KLHDC4: variants seen among roughly 807,000 people sequenced by gnomAD.
The protein encoded by KLHDC4 is kelch domain-containing protein 4.
KLHDC4 carries 90 observed loss-of-function variants against 62.4 expected under a neutral mutation model. The observed-to-expected ratio is 1.44, with a 90% CI of 1.22 to 1.72. KLHDC4 has a LOEUF of 1.72. Ranked by LOEUF, KLHDC4 falls within the 40% of genes most tolerant of loss-of-function variation. The probability of loss-of-function intolerance (pLI) is 0.00; values close to 1 mark genes in which losing one functional copy is unlikely to be tolerated. For missense variants in KLHDC4, 1,025 were observed against 699.7 expected (o/e 1.47, Z -5.25); for synonymous variants, 386 against 284.4 (o/e 1.36, Z -3.59).
downstream of KLHDC4, chr16:87,703,184 C>G (rs796542615): frequency 6.6e-6 from 1 of 152,204 alleles, no homozygotes; most frequent in African/African-American, 2.4e-5. Flanking sequence ...GAGCAGGAAA[C>G]GTGCTGTGAG....
rs751321830 is a variant in KLHDC4 at position 87,765,905 on chromosome 16, A to T, written c.-15T>A. The T allele has an allele frequency of 1.3e-6, 2 of 1,549,734 alleles. No homozygotes were observed. Among genetic ancestry groups the T allele is most frequent in the African/African-American group, 2.7e-5 (2 of 72,954 alleles). ...TTCTTGCCCATCTTGCCGGGTCCCAAGCCGCGACGGGACACCAGGAAAGAA... is the reference window on the plus strand; with the variant it reads ...TTCTTGCCCATCTTGCCGGGTCCCATGCCGCGACGGGACACCAGGAAAGAA... On this transcript the variant is annotated 5_prime_UTR_variant, in exon 1 of 12. It adds an upstream start codon to the 5' untranslated region. Coordinates refer to ENST00000270583, the MANE Select transcript of KLHDC4 (RefSeq NM_017566.4).
At chr16:87,752,649 A>T (rs1051697592) in intron 4 of KLHDC4, among the ~76,000 whole-genome samples, 1 of 152,006 alleles carries the variant, frequency 6.6e-6, no homozygotes, top group Non-Finnish European at 1.5e-5. Flanking sequence ...GCACTGTTTC[A>T]ACATCCTTTC....
At chr16:87,709,852 G>A in intron 9 of KLHDC4, 185 bp from the exon 10 acceptor site, 1 of 672,280 alleles carries the variant, frequency 1.5e-6, no homozygotes, top group South Asian at 2.0e-5. Context: ...GCACGCTCCT[G>A]TCTCCCACTA....
intron 5 of KLHDC4, among the ~76,000 whole-genome samples, chr16:87,744,077 A>G (rs2042657256): frequency 6.6e-6 from 1 of 152,104 alleles, no homozygotes; most frequent in Non-Finnish European, 1.5e-5. Context: ...TCAGGAGTTC[A>G]AGACCAGCCT....
chr16:87,760,435 G>A (rs527626374), intron 2 of KLHDC4, among the ~76,000 whole-genome samples: 60 of 150,246 alleles, frequency 4.0e-4, no homozygotes, highest in African/African-American at 1.4e-3. Context: ...GTGAAACCCC[G>A]TCTCTACTAA....
intron 5 of KLHDC4, chr16:87,740,873 C>T (rs372630012): frequency 6.6e-6 from 1 of 152,146 alleles, no homozygotes; most frequent in African/African-American, 2.4e-5. Flanking sequence ...AAATAAGAAA[C>T]AGTACGGAGA....
intron 4 of KLHDC4, among the ~76,000 whole-genome samples, chr16:87,754,019 A>T (rs2044460779): frequency 1.3e-5 from 2 of 151,598 alleles, no homozygotes; most frequent in African/African-American, 4.9e-5. Context: ...ATGTGCCTGT[A>T]ATCCCAGCTA....
chr16:87,711,216 T>C lies in KLHDC4; in HGVS notation c.1044+19A>G. 1 of 1,613,190 alleles carries C rather than the reference T, an allele frequency of 6.2e-7. No individual in the cohort carries two copies. Among genetic ancestry groups the C allele is most frequent in the African/African-American group, 1.3e-5 (1 of 75,058 alleles). On this transcript the variant is annotated intron_variant, in intron 9 of 11. Transcript: ENST00000270583. The stretch of plus-strand genomic sequence containing the variant: ...TAGGGCTGCGCACCACGGCGCATGC[T>C]ACTCAGAGGTTGCACTACCTTCAGC...
At chr16:87,757,180 A>G (rs1322184604) in intron 2 of KLHDC4, among the ~76,000 whole-genome samples, 2 of 151,848 alleles carry the variant, frequency 1.3e-5, no homozygotes, top group Admixed American at 6.6e-5. Context: ...TAAAAAGTCC[A>G]GTAACTAGGC....
chr16:87,761,190 C>G (rs950551029), intron 2 of KLHDC4, among the ~76,000 whole-genome samples: 10 of 152,366 alleles, frequency 6.6e-5, no homozygotes, highest in African/African-American at 2.4e-4. Context: ...ACACCACTCA[C>G]TCTGCTCAGG....
intron 5 of KLHDC4, among the ~76,000 whole-genome samples, chr16:87,738,290 G>C: frequency 6.6e-6 from 1 of 152,152 alleles, no homozygotes; most frequent in East Asian, 1.9e-4. Flanking sequence ...CTTTAGCTGA[G>C]GACCAAATGA....
chr16:87,713,166 G>A (rs1220930470), intron 8 of KLHDC4, among the ~76,000 whole-genome samples: 1 of 152,180 alleles, frequency 6.6e-6, no homozygotes, highest in African/African-American at 2.4e-5. Flanking sequence ...CCAGTAGCTA[G>A]AACTACAGAC....
In KLHDC4 at chr16:87,760,162, C is replaced by T. The variant is rs147932995; in HGVS notation, c.191+1787G>A. Reference sequence around the variant, plus strand: ...CAGCTGACCCAGGGAACTGCCAACACCTTAAATTATATCCTGACATGAAAT... The same window carrying T: ...CAGCTGACCCAGGGAACTGCCAACATCTTAAATTATATCCTGACATGAAAT... On this transcript the variant is annotated intron_variant, in intron 2 of 11. Coordinates refer to ENST00000270583, the MANE Select transcript of KLHDC4 (RefSeq NM_017566.4). Among the ~76,000 whole-genome samples the T allele has an allele frequency of 1.2e-3, 183 of 151,510 alleles. 1 individual carries two copies. The highest frequency in any genetic ancestry group is 4.3e-3 in the African/African-American group (177 of 41,262).
chr16:87,725,598 C>T (rs1345050957), intron 7 of KLHDC4, among the ~76,000 whole-genome samples: 1 of 152,206 alleles, frequency 6.6e-6, no homozygotes, highest in Non-Finnish European at 1.5e-5. Flanking sequence ...CAGTGAGATA[C>T]TACTTCATAC....
chr16:87,698,915 G>A (rs1296593142), exon 1 of KLHDC4: 1 of 152,306 alleles, frequency 6.6e-6, no homozygotes, highest in South Asian at 2.1e-4. Flanking sequence ...AGAGCAGCCT[G>A]GTGAGAGCCA....
chr16:87,698,455 A>T (rs1356618698), exon 1 of KLHDC4: 1 of 152,220 alleles, frequency 6.6e-6, no homozygotes, highest in Non-Finnish European at 1.5e-5. Flanking sequence ...CATGACACAA[A>T]ACGGTACCTG....
chr16:87,706,373 G>A (rs940854514), downstream of KLHDC4, among the ~76,000 whole-genome samples: 1 of 135,348 alleles, frequency 7.4e-6, no homozygotes, highest in African/African-American at 2.8e-5. Context: ...CAGCCCTTGG[G>A]GGGGTCGGCG....
intron 5 of KLHDC4, among the ~76,000 whole-genome samples, chr16:87,732,845 C>T (rs978314009): frequency 2.0e-5 from 3 of 151,148 alleles, no homozygotes; most frequent in Non-Finnish European, 4.4e-5. Context: ...CAAATCCTAT[C>T]CCAGCTTCTA....
At chr16:87,738,105 G>C (rs1483163953) in intron 5 of KLHDC4, among the ~76,000 whole-genome samples, 3 of 152,178 alleles carry the variant, frequency 2.0e-5, no homozygotes, top group Non-Finnish European at 4.4e-5. Context: ...CCACCACCCA[G>C]AGGGCAGAGC....
Sources: gnomAD v4.1 joint callset for allele counts (sites outside exome capture counted in the v4.1 genomes callset) on GRCh38, gnomAD v4.1.1 for gene constraint, MANE v1.5 for transcripts, NCBI Gene and HGNC (gene_info 2026-07-23, HGNC 2026-07-21) for gene names.